The following PPOX variants were observed in gnomAD, a reference collection of about 807,000 sequenced individuals.
PPOX encodes protoporphyrinogen oxidase.
In PPOX, 23 loss-of-function variants were observed where a neutral mutation model predicts 54.1. The ratio of observed to expected loss-of-function variants is 0.43; its 90% CI spans 0.31 to 0.60. PPOX has a LOEUF of 0.60. Ranked by LOEUF, PPOX falls within the 20% of genes least tolerant of loss-of-function variation. PPOX has a pLI of 0.13. For missense variants in PPOX, 512 were observed against 601.1 expected, an observed-to-expected ratio of 0.85 and a Z score of 1.55; for synonymous variants, 224 against 236.1, an observed-to-expected ratio of 0.95 and a Z score of 0.47.
chr1:161,170,587 G>T, intron 10 of PPOX, 33 bp from the exon 11 acceptor site: 1 of 1,614,168 alleles, frequency 6.2e-7, no homozygotes. Flanking sequence ...TGTAGGCAAG[G>T]CCAGACTGAT....
chr1:161,175,501 G>A (rs1355321895), downstream of PPOX, among the ~76,000 whole-genome samples: 1 of 152,080 alleles, frequency 6.6e-6, no homozygotes, highest in Non-Finnish European at 1.5e-5. Flanking sequence ...TTGAAGGCTG[G>A]AGAGACTTGC....
downstream of PPOX, chr1:161,172,158 T>C (rs1294920675): frequency 6.2e-7 from 1 of 1,612,030 alleles, no homozygotes; most frequent in Non-Finnish European, 8.5e-7. Context: ...CTTTAGGATT[T>C]TCCTGGCTAG....
chr1:161,170,215 C>G (rs1660715003), intron 9 of PPOX, 191 bp downstream of exon 9: 1 of 854,424 alleles, frequency 1.2e-6, no homozygotes, highest in Non-Finnish European at 1.9e-6. Flanking sequence ...ATCTCAGCTA[C>G]TCGGGAGGCT....
chr1:161,168,472 T>G lies in PPOX; in HGVS notation c.512T>G (p.Phe171Cys), dbSNP rs902072577. The change falls in exon 6 of 13, where the codon TTT becomes TGT. Residue 171 changes from phenylalanine to cysteine, a missense_variant. Coordinates refer to ENST00000367999, the MANE Select transcript of PPOX (RefSeq NM_001122764.3). ...LAMDSLCRGV[F>C]AGNSRELSIR... is the part of the protein sequence containing the mutation. ...ATGGACAGTCTCTGCCGTGGAGTGT[T>G]TGCAGGCAACAGCCGTGAGCTCAGC... 3.1e-6 allele frequency: 5 copies of G among 1,614,068 alleles called. No individual in the cohort carries two copies. Among genetic ancestry groups the G allele is most frequent in the Non-Finnish European group, 3.4e-6 (4 of 1,180,040 alleles).
At position 161,166,618 on chromosome 1, in the gene PPOX, T is replaced by G. The variant is rs1571320778; in HGVS notation, c.-63T>G. ...CCAGCAGAGCGCCGGCGGGGTACGGTCTTAGGACCTCGATCTCCTTCTCCC... is the reference window on the plus strand; with the variant it reads ...CCAGCAGAGCGCCGGCGGGGTACGGGCTTAGGACCTCGATCTCCTTCTCCC... On this transcript the variant is annotated 5_prime_UTR_variant, in exon 1 of 13. Transcript: ENST00000367999. 1.4e-6 allele frequency: 2 copies of G among 1,456,848 alleles called. No individual in the cohort carries two copies. Among genetic ancestry groups the G allele is most frequent in the Non-Finnish European group, 1.8e-6 (2 of 1,106,240 alleles). The allele number at this position is 1,456,848 out of a possible 1,614,324, so 90.2% of individuals were successfully genotyped here. A position where few individuals can be genotyped will look rare whatever the true frequency, so the allele number is the denominator to read the frequency against.
downstream of PPOX, chr1:161,176,148 T>C (rs1663431313): frequency 6.7e-7 from 1 of 1,502,008 alleles, no homozygotes; most frequent in East Asian, 2.3e-5. Context: ...TAGGTAGGGT[T>C]GAAGGTGATG....
Position 161,167,505 on chromosome 1 carries a change from C to T in PPOX, c.338+19C>T, listed in dbSNP as rs752282441. 8 of 1,609,112 alleles carry T rather than the reference C, an allele frequency of 5.0e-6. No homozygotes were observed. The highest frequency in any genetic ancestry group is 5.1e-6 in the Non-Finnish European group (6 of 1,178,932). ...GCCTCAGGTAACACCAGCACCTCCGCTCCTTTTACTGTGCCCTCATCCTCA... is the reference window on the plus strand; with the variant it reads ...GCCTCAGGTAACACCAGCACCTCCGTTCCTTTTACTGTGCCCTCATCCTCA... On this transcript the variant is annotated intron_variant, in intron 4 of 12. Transcript: ENST00000367999.
chr1:161,177,954 T>G (rs908285766), downstream of PPOX: 3 of 152,202 alleles, frequency 2.0e-5, no homozygotes, highest in African/African-American at 4.8e-5. Flanking sequence ...TGTATTCCCG[T>G]TGTATCCCGC....
downstream of PPOX, chr1:161,171,994 T>C: frequency 1.2e-6 from 2 of 1,614,092 alleles, no homozygotes; most frequent in Non-Finnish European, 1.7e-6. Context: ...GATGTTGGTA[T>C]AAAGAGGCCC....
In PPOX at chr1:161,168,537, A is replaced by T; in HGVS notation, c.577A>T (p.Thr193Ser). 6.2e-7 allele frequency: 1 copy of T among 1,614,082 alleles called. No individual in the cohort carries two copies. Among genetic ancestry groups the T allele is most frequent in the Non-Finnish European group, 8.5e-7 (1 of 1,180,014 alleles). Residue 193 changes from threonine to serine, a missense_variant, in exon 6 of 13, where the codon ACC (threonine) becomes TCC (serine). Thr to Ser is a moderately conservative substitution (Grantham distance 58, BLOSUM62 1). Transcript: ENST00000367999. Reference protein sequence around the residue: ...CFPSLFQAEQTHRSILLGLLL... With the variant: ...CFPSLFQAEQSHRSILLGLLL... The stretch of plus-strand genomic sequence containing the variant: ...TCCCAGTCTCTTCCAAGCTGAGCAA[A>T]CCCATCGTTCCATATTACTGGGCCT...
chr1:161,166,307 C>T (rs1658866904), upstream of PPOX: 3 of 1,022,520 alleles, frequency 2.9e-6, no homozygotes, highest in African/African-American at 1.7e-5. Flanking sequence ...CTTACAGCTG[C>T]CGTCGCTCCG....
At chr1:161,172,151 T>C, downstream of PPOX, 1 of 1,612,116 alleles carries the variant, frequency 6.2e-7, no homozygotes, top group Non-Finnish European at 8.5e-7. Context: ...TAGGGACCTT[T>C]AGGATTTTCC....
chr1:161,167,171 C>T lies in PPOX; in HGVS notation c.159C>T (p.Ile53=). 1 of 1,614,188 alleles carries T rather than the reference C, an allele frequency of 6.2e-7. No individual in the cohort carries two copies. Reference sequence around the variant, plus strand: ...CCGTTCGAGGCCCTAATGGTGCTATCTTTGAGCTTGGACCTCGGGGAATTA... The same window carrying T: ...CCGTTCGAGGCCCTAATGGTGCTATTTTTGAGCTTGGACCTCGGGGAATTA... ...IRSVRGPNGA[I]FELGPRGIRP... is the part of the protein sequence containing the mutation. The change falls in exon 3 of 13, where the codon ATC becomes ATT. Residue 53 remains isoleucine (I), a synonymous_variant. Coordinates refer to ENST00000367999, the MANE Select transcript of PPOX (RefSeq NM_001122764.3).
downstream of PPOX, among the ~76,000 whole-genome samples, chr1:161,173,060 C>T (rs1392803260): frequency 6.6e-6 from 1 of 152,108 alleles, no homozygotes; most frequent in Non-Finnish European, 1.5e-5. Flanking sequence ...GATGAGAATT[C>T]ACAGAGATGT....
At chr1:161,176,465 G>C in intron 4 of PPOX, 1 of 375,010 alleles carries the variant, frequency 2.7e-6, no homozygotes, top group Non-Finnish European at 4.9e-6. Context: ...AGGGATCATG[G>C]GGGCTCCAGG....
intron 7 of PPOX, 102 bp downstream of exon 7, chr1:161,169,285 T>G: frequency 1.4e-6 from 2 of 1,409,456 alleles, no homozygotes; most frequent in South Asian, 2.4e-5. Flanking sequence ...CCTCATTGTT[T>G]TTGTGCCTTA....
chr1:161,175,024 T>C (rs1662964142), downstream of PPOX: 2 of 1,613,590 alleles, frequency 1.2e-6, no homozygotes, highest in Non-Finnish European at 1.7e-6. Flanking sequence ...ATAAGCAAGC[T>C]GCTGGCGCTG....
Position 161,170,383 on chromosome 1 carries a change from T to G in PPOX, c.988-26T>G, listed in dbSNP as rs368229531. The G allele has an allele frequency of 6.4e-4, 857 of 1,346,948 alleles. 2 individuals carry two copies. The highest frequency in any genetic ancestry group is 3.4e-3 in the South Asian group (294 of 87,362). The allele number at this position is 1,346,948 out of a possible 1,614,324, so 83.4% of individuals were successfully genotyped here. ...AGCCTCAGCTAGAGCCCTTTCCTTC[T>G]GACGCATGAATGTCCTTCTCTCCAG... On this transcript the variant is annotated intron_variant, in intron 9 of 12. Coordinates refer to ENST00000367999, the MANE Select transcript of PPOX (RefSeq NM_001122764.3).
chr1:161,167,363 G>T lies in PPOX; in HGVS notation c.223-8G>T. ...GTTTCTCCTCTTCTGAGGGCATGTG[G>T]AGAGCAGGTTTCTGAGCTTGGCTTG... On this transcript the variant is annotated splice_region_variant and splice_polypyrimidine_tract_variant and intron_variant, in intron 3 of 12. Transcript: ENST00000367999. The T allele has an allele frequency of 3.1e-6, 5 of 1,613,976 alleles. No homozygotes were observed. Among genetic ancestry groups the T allele is most frequent in the Non-Finnish European group, 4.2e-6 (5 of 1,179,994 alleles).
Sources: gnomAD v4.1 joint callset for allele counts (sites outside exome capture counted in the v4.1 genomes callset) on GRCh38, gnomAD v4.1.1 for gene constraint, MANE v1.5 for transcripts, NCBI Gene and HGNC (gene_info 2026-07-23, HGNC 2026-07-21) for gene names.